TPGS2: variants seen among roughly 807,000 people sequenced by gnomAD.
TPGS2 encodes tubulin polyglutamylase complex subunit 2, also known as polyglutamylase subunit 2.
In TPGS2, 26 loss-of-function variants were observed where a neutral mutation model predicts 31.1. The observed-to-expected ratio is 0.84, with a 90% CI of 0.61 to 1.16. The LOEUF (loss-of-function observed/expected upper bound fraction) is 1.16. TPGS2 is among the 50% of genes most tolerant of loss of function. The pLI, the probability that TPGS2 is intolerant of heterozygous loss-of-function variation, is 0.00. For missense variants in TPGS2, 351 were observed against 363.8 expected, an observed-to-expected ratio of 0.96 and a Z score of 0.29; for synonymous variants, 130 against 136.6, an observed-to-expected ratio of 0.95 and a Z score of 0.34.
chr18:36,787,236 T>C (rs1438332265), intron 6 of TPGS2, among the ~76,000 whole-genome samples: 1 of 152,228 alleles, frequency 6.6e-6, no homozygotes, highest in Non-Finnish European at 1.5e-5. Flanking sequence ...TCCTGAACTA[T>C]GAGAGGTCAC....
chr18:36,809,825 C>G (rs2045336393), intron 2 of TPGS2, among the ~76,000 whole-genome samples: 1 of 152,116 alleles, frequency 6.6e-6, no homozygotes, highest in Non-Finnish European at 1.5e-5. Context: ...GAGATCCAGG[C>G]TGAGGGCAGG....
chr18:36,818,854 T>A (rs1210919704), intron 2 of TPGS2, 40 bp downstream of exon 2: 2 of 1,568,128 alleles, frequency 1.3e-6, no homozygotes, highest in Non-Finnish European at 1.7e-6. Context: ...TACACTGACC[T>A]CTCTTTGATG....
At chr18:36,804,907 C>T (rs1288477362) in intron 4 of TPGS2, among the ~76,000 whole-genome samples, 2 of 152,176 alleles carry the variant, frequency 1.3e-5, no homozygotes, top group African/African-American at 4.8e-5. Flanking sequence ...AAAAGCCCAC[C>T]TTCCTCAACC....
rs909868900 is a variant in TPGS2 at position 36,795,680 on chromosome 18, G to C, written c.*1125C>G. On this transcript the variant is annotated 3_prime_UTR_variant, in exon 7 of 7. Transcript: ENST00000334295. ...TCAAATATTAAGCATATGTGGGCTAGAGGTTCCCCCATATGTCAATGGGAA... is the reference window on the plus strand; with the variant it reads ...TCAAATATTAAGCATATGTGGGCTACAGGTTCCCCCATATGTCAATGGGAA... The C allele has an allele frequency of 4.1e-6, 4 of 985,338 alleles. No homozygotes were observed. Among genetic ancestry groups the C allele is most frequent in the Non-Finnish European group, 4.8e-6 (4 of 829,940 alleles). The allele number at this position is 985,338 out of a possible 1,614,324, so 61.0% of individuals were successfully genotyped here. A position where few individuals can be genotyped will look rare whatever the true frequency, so the allele number is the denominator to read the frequency against.
chr18:36,800,653 T>C (rs948822808), intron 4 of TPGS2, among the ~76,000 whole-genome samples: 5 of 151,902 alleles, frequency 3.3e-5, no homozygotes, highest in African/African-American at 7.2e-5. Flanking sequence ...GTTTATTCTA[T>C]AAAAGTGGGA....
Position 36,795,176 on chromosome 18 carries a change from C to CTAT in TPGS2, c.*1626_*1628dup. The CTAT allele has an allele frequency of 2.0e-6, 2 of 985,354 alleles. No homozygotes were observed. Among genetic ancestry groups the CTAT allele is most frequent in the Non-Finnish European group, 2.4e-6 (2 of 829,920 alleles). 61.0% of individuals were successfully genotyped at this position (985,354 alleles called of 1,614,324 possible). ...GGCGCTTTCTCATGAATATCTATCA[C>CTAT]TATTGTCAACAATCAAAATAAACAT... is the stretch of plus-strand genomic sequence containing the variant. On this transcript the variant is annotated 3_prime_UTR_variant, in exon 7 of 7. Coordinates refer to ENST00000334295, the MANE Select transcript of TPGS2 (RefSeq NM_015476.4).
Position 36,796,939 on chromosome 18 carries a change from T to G in TPGS2, c.769A>C (p.Lys257Gln). 1 of 1,607,808 alleles carries G rather than the reference T, an allele frequency of 6.2e-7. No individual in the cohort carries two copies. The highest frequency in any genetic ancestry group is 8.5e-7 in the Non-Finnish European group (1 of 1,178,062). Reference protein sequence around the residue: ...DPSKVFKSKNKIVIPKKKGPV... With the variant: ...DPSKVFKSKNQIVIPKKKGPV... ...CCTTTCTTTTTTGGGATTACGATCT[T>G]GTTCTTGCTCTTAAACACTTTGCTG... The change falls in exon 7 of 7, where the codon AAG becomes CAG. Residue 257 changes from lysine to glutamine, a missense_variant. Lys to Gln is a moderately conservative substitution (Grantham distance 53, BLOSUM62 1). Transcript: ENST00000334295.
chr18:36,814,255 GA>G (rs780337072), intron 2 of TPGS2, among the ~76,000 whole-genome samples: 5 of 152,220 alleles, frequency 3.3e-5, no homozygotes, highest in Non-Finnish European at 7.3e-5. Context: ...CTTGAAAGAT[GA>G]AAAGCTCAGT....
intron 5 of TPGS2, 77 bp downstream of exon 5, chr18:36,800,121 C>T: frequency 1.5e-6 from 2 of 1,343,698 alleles, no homozygotes; most frequent in Non-Finnish European, 2.1e-6. Flanking sequence ...GTATGTGTCT[C>T]CTGAGCCATG....
At chr18:36,827,724 A>G (rs1360946555) in intron 1 of TPGS2, among the ~76,000 whole-genome samples, 1 of 152,232 alleles carries the variant, frequency 6.6e-6, no homozygotes, top group Non-Finnish European at 1.5e-5. Flanking sequence ...AAAATCTAGC[A>G]TCATCTCCTC....
In TPGS2 at chr18:36,828,910, T is replaced by C; in HGVS notation, c.-143A>G. 1.8e-6 allele frequency: 2 copies of C among 1,084,876 alleles called. No individual in the cohort carries two copies. The highest frequency in any genetic ancestry group is 1.6e-5 in the South Asian group (1 of 64,298). The allele number at this position is 1,084,876 out of a possible 1,614,324, so 67.2% of individuals were successfully genotyped here. A position where few individuals can be genotyped will look rare whatever the true frequency, so the allele number is the denominator to read the frequency against. ...GCGCAGTGATGATGGGGGCCCGGGG[T>C]TGGTCTGACAGCAGCAGCTCCGTGG... On this transcript the variant is annotated 5_prime_UTR_variant, in exon 1 of 7. Transcript: ENST00000334295.
chr18:36,800,679 C>A (rs928635896), intron 4 of TPGS2, among the ~76,000 whole-genome samples: 1 of 151,268 alleles, frequency 6.6e-6, no homozygotes, highest in Non-Finnish European at 1.5e-5. Flanking sequence ...AACACATTAT[C>A]TGAATCTTTC....
At chr18:36,792,199 A>G (rs1225522898), downstream of TPGS2, among the ~76,000 whole-genome samples, 1 of 152,188 alleles carries the variant, frequency 6.6e-6, no homozygotes, top group Non-Finnish European at 1.5e-5. Context: ...TGGACAGAAA[A>G]AAGTTATAAT....
chr18:36,781,374 C>T (rs574992742), downstream of TPGS2, among the ~76,000 whole-genome samples: 56 of 152,308 alleles, frequency 3.7e-4, no homozygotes, highest in South Asian at 0.01. Flanking sequence ...CCTCTGTAGG[C>T]CGGGTGCGGT....
At chr18:36,820,362 T>C (rs1242741511) in intron 1 of TPGS2, among the ~76,000 whole-genome samples, 3 of 152,228 alleles carry the variant, frequency 2.0e-5, no homozygotes, top group Non-Finnish European at 2.9e-5. Context: ...GGTCATGTCA[T>C]ACTTAAGCTT....
intron 2 of TPGS2, among the ~76,000 whole-genome samples, chr18:36,816,655 C>G (rs1302210484): frequency 6.6e-6 from 1 of 152,168 alleles, no homozygotes; most frequent in Non-Finnish European, 1.5e-5. Flanking sequence ...GTTGCCCAGG[C>G]TGGAGTGCAG....
At chr18:36,791,253 T>C (rs1456764921), downstream of TPGS2, among the ~76,000 whole-genome samples, 1 of 152,262 alleles carries the variant, frequency 6.6e-6, no homozygotes, top group Non-Finnish European at 1.5e-5. Flanking sequence ...TAAATCTCTC[T>C]TCTTTATAAA....
rs547786977 is a variant in TPGS2 at position 36,796,499 on chromosome 18, T to C, written c.*306A>G. 41 of 1,120,568 alleles carry C rather than the reference T, an allele frequency of 3.7e-5. No homozygotes were observed. In the South Asian group the frequency reaches 1.2e-3, roughly 32 times the overall value. The allele number at this position is 1,120,568 out of a possible 1,614,324, so 69.4% of individuals were successfully genotyped here. On this transcript the variant is annotated 3_prime_UTR_variant, in exon 7 of 7. Transcript: ENST00000334295. Reference sequence around the variant, plus strand: ...CAGTGGTTTCTTTGGGGGACCTCTCTAATCAATCAGTGCTAAGGGATTGAG... The same window carrying C: ...CAGTGGTTTCTTTGGGGGACCTCTCCAATCAATCAGTGCTAAGGGATTGAG...
At chr18:36,822,779 G>T (rs564131548) in intron 1 of TPGS2, among the ~76,000 whole-genome samples, 1 of 151,848 alleles carries the variant, frequency 6.6e-6, no homozygotes, top group Non-Finnish European at 1.5e-5. Flanking sequence ...ATTTTTTTTT[G>T]TAGAGACAGG....
Sources: gnomAD v4.1 joint callset for allele counts (sites outside exome capture counted in the v4.1 genomes callset) on GRCh38, gnomAD v4.1.1 for gene constraint, MANE v1.5 for transcripts, NCBI Gene and HGNC (gene_info 2026-07-23, HGNC 2026-07-21) for gene names.